TRDN: variants seen among roughly 807,000 people sequenced by gnomAD.
TRDN encodes triadin.
In TRDN, 161 loss-of-function variants were observed where a neutral mutation model predicts 149.7. That is an observed-to-expected ratio of 1.08 (90% CI 0.95 to 1.23). The LOEUF is 1.23. Among genes scored for constraint, TRDN ranks in the 50% most tolerant of loss-of-function variants. The pLI is 0.00. For synonymous variants in TRDN, 294 were observed against 250.5 expected, an observed-to-expected ratio of 1.17 and a Z score of -1.64; for missense variants, 896 against 823.5, an observed-to-expected ratio of 1.09 and a Z score of -1.08.
At chr6:123,423,257 T>A (rs1308481350) in intron 12 of TRDN, among the ~76,000 whole-genome samples, 1 of 152,178 alleles carries the variant, frequency 6.6e-6, no homozygotes. Context: ...CAATGAAAGT[T>A]ACCCCTGCTT....
At chr6:123,472,128 G>A (rs1323128698) in intron 9 of TRDN, among the ~76,000 whole-genome samples, 2 of 152,236 alleles carry the variant, frequency 1.3e-5, no homozygotes, top group African/African-American at 2.4e-5. Flanking sequence ...CAGCGTGAGC[G>A]ACGCAGAAGA....
At chr6:123,605,926 C>T (rs1026929533) in intron 1 of TRDN, among the ~76,000 whole-genome samples, 3 of 152,038 alleles carry the variant, frequency 2.0e-5, no homozygotes, top group African/African-American at 7.2e-5. Context: ...GTTTAAGTTT[C>T]AGTGGCATGG....
At chr6:123,277,545 T>C (rs573960175) in intron 26 of TRDN, among the ~76,000 whole-genome samples, 10 of 152,232 alleles carry the variant, frequency 6.6e-5, no homozygotes, top group Middle Eastern at 6.8e-3. Context: ...ACTGGTGTAC[T>C]TATTAGAGGA....
At chr6:123,374,111 A>G (rs1184230964) in intron 19 of TRDN, among the ~76,000 whole-genome samples, 1 of 152,178 alleles carries the variant, frequency 6.6e-6, no homozygotes, top group East Asian at 1.9e-4. Context: ...TCTCTCAACC[A>G]TATAGGGAGT....
chr6:123,252,706 A>G (rs1331486299), intron 37 of TRDN, among the ~76,000 whole-genome samples: 1 of 152,034 alleles, frequency 6.6e-6, no homozygotes, highest in African/African-American at 2.4e-5. Context: ...CTGCAGCCTC[A>G]AATTCCTGTG....
intron 4 of TRDN, among the ~76,000 whole-genome samples, chr6:123,543,109 C>T (rs934815403): frequency 1.3e-5 from 2 of 151,954 alleles, no homozygotes; most frequent in Non-Finnish European, 2.9e-5. Context: ...TATTTACTGC[C>T]TTATTTGATC....
intron 12 of TRDN, among the ~76,000 whole-genome samples, chr6:123,395,727 G>T (rs1772697761): frequency 6.7e-6 from 1 of 148,946 alleles, no homozygotes; most frequent in Non-Finnish European, 1.5e-5. Flanking sequence ...ACCTGCAAAA[G>T]AAAGATTTCA....
rs575097269 is a variant in TRDN, at chr6:123,559,027, C to T, written c.233-10415G>A. Among the ~76,000 whole-genome samples the T allele has an allele frequency of 1.3e-3, 193 of 152,362 alleles. 1 individual carries two copies. Among genetic ancestry groups the T allele is most frequent in the African/African-American group, 4.4e-3 (183 of 41,586 alleles). On this transcript the variant is annotated intron_variant, in intron 2 of 40. Coordinates refer to ENST00000334268, the MANE Select transcript of TRDN (RefSeq NM_006073.4). ...GGAAATCGGACTCACCCGGCAGCCA[C>T]TCCCAGAGCCCCTGGAACTCTGGCC... is the stretch of plus-strand genomic sequence containing the variant.
At chr6:123,465,599 AAAAAAG>A (rs1238330097) in intron 9 of TRDN, among the ~76,000 whole-genome samples, 1 of 149,384 alleles carries the variant, frequency 6.7e-6, no homozygotes, top group East Asian at 1.9e-4. Context: ...AAAAAAAAAA[AAAAAAG>A]AGAGAGAGAG....
intron 10 of TRDN, chr6:123,464,232 A>G: frequency 1.0e-6 from 1 of 974,572 alleles, no homozygotes; most frequent in African/African-American, 1.8e-5. Context: ...GAAATGAATG[A>G]AGACTTAAAG....
chr6:123,292,425 GT>G (rs1216495297), intron 24 of TRDN, among the ~76,000 whole-genome samples: 3 of 152,168 alleles, frequency 2.0e-5, no homozygotes, highest in Non-Finnish European at 4.4e-5. Flanking sequence ...CTGTGGACAA[GT>G]TTAGCTGCTG....
intron 1 of TRDN, among the ~76,000 whole-genome samples, chr6:123,631,865 T>G (rs980519700): frequency 6.6e-6 from 1 of 152,070 alleles, no homozygotes; most frequent in African/African-American, 2.4e-5. Context: ...TTGGGCATAT[T>G]ATTTAGAAGC....
At chr6:123,506,197 A>T (rs147791161) in intron 7 of TRDN, among the ~76,000 whole-genome samples, 2 of 152,186 alleles carry the variant, frequency 1.3e-5, no homozygotes, top group Admixed American at 6.5e-5. Flanking sequence ...TAGAGAGTCT[A>T]TGTTGACCTG....
At position 123,328,074 on chromosome 6, in the gene TRDN, C is replaced by G. The variant is rs1413239890; in HGVS notation, c.1471+3805G>C. Among the ~76,000 whole-genome samples the G allele has an allele frequency of 3.3e-5, 5 of 152,324 alleles. No individual in the cohort carries two copies. The East Asian group carries it at 9.6e-4, about 29-fold the overall frequency. ...AATCACTCCATATTTTCCACATTTT[C>G]TCCATACTGTTATAATAATCTTCAA... On this transcript the variant is annotated intron_variant, in intron 23 of 40. Transcript: ENST00000334268.
intron 10 of TRDN, 133 bp downstream of exon 10, chr6:123,464,773 G>T (rs958396170): frequency 1.6e-4 from 229 of 1,462,588 alleles, no homozygotes; most frequent in Admixed American, 7.5e-5. Context: ...GAAAAGTATA[G>T]TTTAGACATA....
At chr6:123,322,710 G>A (rs1480274500) in intron 23 of TRDN, among the ~76,000 whole-genome samples, 3 of 150,864 alleles carry the variant, frequency 2.0e-5, no homozygotes, top group Non-Finnish European at 2.9e-5. Flanking sequence ...GCGCAATCTC[G>A]GCTCACTGCA....
At chr6:123,602,838 C>T (rs997343320) in intron 1 of TRDN, among the ~76,000 whole-genome samples, 2 of 152,048 alleles carry the variant, frequency 1.3e-5, no homozygotes, top group Admixed American at 1.3e-4. Context: ...AGGACAAAAT[C>T]TCAAACCAGC....
At chr6:123,634,066 G>A (rs1437281757) in intron 1 of TRDN, among the ~76,000 whole-genome samples, 1 of 151,934 alleles carries the variant, frequency 6.6e-6, no homozygotes, top group East Asian at 1.9e-4. Flanking sequence ...TAAATGGATG[G>A]AAAAGGTAAT....
chr6:123,485,804 A>C (rs947951373), intron 9 of TRDN, among the ~76,000 whole-genome samples: 2 of 152,138 alleles, frequency 1.3e-5, no homozygotes, highest in Non-Finnish European at 2.9e-5. Context: ...GCCCATGTTC[A>C]TTTGAAGTTT....
Sources: gnomAD v4.1 joint callset for allele counts (sites outside exome capture counted in the v4.1 genomes callset) on GRCh38, gnomAD v4.1.1 for gene constraint, MANE v1.5 for transcripts, NCBI Gene and HGNC (gene_info 2026-07-23, HGNC 2026-07-21) for gene names.